The following KCNQ1 variants were observed in gnomAD, a reference collection of about 807,000 sequenced individuals.
The protein encoded by KCNQ1 is potassium voltage-gated channel subfamily KQT member 1.
Under a neutral mutation model 72.4 loss-of-function variants are expected in KCNQ1, and 49 were observed. The ratio of observed to expected loss-of-function variants is 0.68; its 90% CI spans 0.54 to 0.86. The LOEUF (loss-of-function observed/expected upper bound fraction) is 0.86. KCNQ1 is among the 40% of genes least tolerant of loss of function. The pLI is 0.00. For synonymous variants in KCNQ1, 450 were observed against 412.6 expected, an observed-to-expected ratio of 1.09 and a Z score of -1.10; for missense variants, 790 against 945.1, an observed-to-expected ratio of 0.84 and a Z score of 2.15.
intron 10 of KCNQ1, among the ~76,000 whole-genome samples, chr11:2,597,393 A>C (rs138093103): frequency 4.1e-4 from 63 of 152,324 alleles, no homozygotes; most frequent in African/African-American, 1.4e-3. Flanking sequence ...GATTTCTGCA[A>C]TTGTTAAATA....
Position 2,657,190 on chromosome 11 carries a change from G to A in KCNQ1, c.1394-4771G>A. On this transcript the variant is annotated intron_variant, in intron 10 of 15. Transcript: ENST00000155840. The surrounding 1 kb of genome is among the most constrained non-coding windows in gnomAD (Gnocchi z 4.8). ...CACCTTGTTCTTCTTCAAGAATATTGCCAATTCTTGGCTTTTTGCACTTCC... is the reference window on the plus strand; with the variant it reads ...CACCTTGTTCTTCTTCAAGAATATTACCAATTCTTGGCTTTTTGCACTTCC... The A allele has an allele frequency of 2.5e-6, 1 of 398,598 alleles. No homozygotes were observed. The highest frequency in any genetic ancestry group is 4.4e-6 in the Non-Finnish European group (1 of 226,060). 24.7% of individuals were successfully genotyped at this position (398,598 alleles called of 1,614,324 possible). A position where few individuals can be genotyped will look rare whatever the true frequency, so the allele number is the denominator to read the frequency against.
At chr11:2,754,478 G>A (rs1320981051) in intron 11 of KCNQ1, among the ~76,000 whole-genome samples, 1 of 152,242 alleles carries the variant, frequency 6.6e-6, no homozygotes, top group African/African-American at 2.4e-5. Context: ...ATCAGGATGT[G>A]GAAGAGGCTA....
rs1846646419 is a variant in KCNQ1 at position 2,481,264 on chromosome 11, A to C, written c.386+35780A>C. On this transcript the variant is annotated intron_variant, in intron 1 of 15. Coordinates refer to ENST00000155840, the MANE Select transcript of KCNQ1 (RefSeq NM_000218.3). The surrounding 1 kb of genome is among the most constrained non-coding windows in gnomAD (Gnocchi z 4.6). ...AAATGTTAATCAGAGAACGTGCAGA[A>C]ATTTTTAAAGAAGAAAAGTAAAATG... Among the ~76,000 whole-genome samples, 1 of 152,200 alleles carries C rather than the reference A, an allele frequency of 6.6e-6. No individual in the cohort carries two copies. The highest frequency in any genetic ancestry group is 2.4e-5 in the African/African-American group (1 of 41,450).
intron 15 of KCNQ1, chr11:2,840,053 C>A (rs1848171902): frequency 6.6e-6 from 1 of 152,214 alleles, no homozygotes; most frequent in South Asian, 2.1e-4. Flanking sequence ...GTCAAAAACC[C>A]ATGTATAACT....
chr11:2,658,620 C>T lies in KCNQ1; in HGVS notation c.1394-3341C>T. On this transcript the variant is annotated intron_variant, in intron 10 of 15. Transcript: ENST00000155840. This position sits in a 1 kb window ranked among gnomAD's most constrained non-coding sequence, Gnocchi z 4.9. ...AATGAATAGAAAACCTGGATCTAGG[C>T]ACGGGGTATGCTCGTGGCTACTAGG... 2.5e-6 allele frequency: 1 copy of T among 398,470 alleles called. No individual in the cohort carries two copies. Among genetic ancestry groups the T allele is most frequent in the East Asian group, 3.6e-5 (1 of 28,076 alleles). 24.7% of individuals were successfully genotyped at this position (398,470 alleles called of 1,614,324 possible).
chr11:2,775,256 T>C (rs190577500), intron 12 of KCNQ1, among the ~76,000 whole-genome samples: 66 of 152,350 alleles, frequency 4.3e-4, no homozygotes, highest in Middle Eastern at 3.4e-3. Flanking sequence ...GTTTTCTCTG[T>C]TGTGGTTTCA....
At chr11:2,605,302 A>T (rs1848863645) in intron 10 of KCNQ1, among the ~76,000 whole-genome samples, 1 of 152,152 alleles carries the variant, frequency 6.6e-6, no homozygotes, top group Non-Finnish European at 1.5e-5. Flanking sequence ...TATGAAGTCC[A>T]ATATATCTAC....
chr11:2,617,601 A>G lies in KCNQ1; in HGVS notation c.1393+28747A>G, dbSNP rs1448686114. ...CCTAGAAGAGGGATTAGTGGGTCAGATGATAGTATATTTTCAATTTCTTTA... is the reference window on the plus strand; with the variant it reads ...CCTAGAAGAGGGATTAGTGGGTCAGGTGATAGTATATTTTCAATTTCTTTA... On this transcript the variant is annotated intron_variant, in intron 10 of 15. Transcript: ENST00000155840. This position sits in a 1 kb window ranked among gnomAD's most constrained non-coding sequence, Gnocchi z 4.6. 2.5e-6 allele frequency: 1 copy of G among 398,296 alleles called. No homozygotes were observed. Among genetic ancestry groups the G allele is most frequent in the African/African-American group, 2.1e-5 (1 of 48,594 alleles). 24.7% of individuals were successfully genotyped at this position (398,296 alleles called of 1,614,324 possible). A position where few individuals can be genotyped will look rare whatever the true frequency, so the allele number is the denominator to read the frequency against.
At chr11:2,452,117 G>A (rs1734683952) in intron 1 of KCNQ1, among the ~76,000 whole-genome samples, 1 of 152,204 alleles carries the variant, frequency 6.6e-6, no homozygotes, top group South Asian at 2.1e-4. Context: ...CCTGGGGGCG[G>A]GGGCTCTTAG....
At chr11:2,649,034 G>A (rs1590004538) in intron 10 of KCNQ1, 1 of 338,024 alleles carries the variant, frequency 3.0e-6, no homozygotes. Flanking sequence ...GTCTACTCCT[G>A]CATGCTTTTG....
chr11:2,659,746 C>G lies in KCNQ1; in HGVS notation c.1394-2215C>G, dbSNP rs1849917053. On this transcript the variant is annotated intron_variant, in intron 10 of 15. Coordinates refer to ENST00000155840, the MANE Select transcript of KCNQ1 (RefSeq NM_000218.3). The surrounding 1 kb of genome is among the most constrained non-coding windows in gnomAD (Gnocchi z 4.3). ...ATGAGAGTTCTACATGTTCCACATC[C>G]TCAAGAGTGGTTGGTATTGTCAGGT... is the stretch of plus-strand genomic sequence containing the variant. 1 of 398,304 alleles carries G rather than the reference C, an allele frequency of 2.5e-6. No homozygotes were observed. The highest frequency in any genetic ancestry group is 2.1e-5 in the African/African-American group (1 of 48,598). 24.7% of individuals were successfully genotyped at this position (398,304 alleles called of 1,614,324 possible).
chr11:2,834,504 C>T (rs746750789), intron 15 of KCNQ1, among the ~76,000 whole-genome samples: 10 of 152,360 alleles, frequency 6.6e-5, no homozygotes, highest in Non-Finnish European at 1.2e-4. Flanking sequence ...GGGTCTGTCT[C>T]CAAGGTCTTT....
chr11:2,487,953 C>A (rs1446846556), intron 1 of KCNQ1, among the ~76,000 whole-genome samples: 1 of 151,982 alleles, frequency 6.6e-6, no homozygotes, highest in African/African-American at 2.4e-5. Context: ...TTATTCCTGA[C>A]CTTAGAGGGA....
intron 10 of KCNQ1, chr11:2,639,206 T>A (rs981157059): frequency 6.6e-6 from 1 of 152,234 alleles, no homozygotes; most frequent in Non-Finnish European, 1.5e-5. Flanking sequence ...AGCCTTCCTC[T>A]CTCAACTTGT....
rs1383676085 is a variant in KCNQ1 at position 2,483,782 on chromosome 11, C to T, written c.386+38298C>T. Among the ~76,000 whole-genome samples the T allele has an allele frequency of 1.3e-5, 2 of 152,144 alleles. No homozygotes were observed. Among genetic ancestry groups the T allele is most frequent in the Non-Finnish European group, 2.9e-5 (2 of 68,034 alleles). ...CATGTCTTAGGGCGGGTTCATTTGA[C>T]CTTGACCACTCAGGTAGGAGTGTGT... On this transcript the variant is annotated intron_variant, in intron 1 of 15. Transcript: ENST00000155840. This position sits in a 1 kb window ranked among gnomAD's most constrained non-coding sequence, Gnocchi z 6.1.
intron 1 of KCNQ1, among the ~76,000 whole-genome samples, chr11:2,524,035 C>T (rs892756049): frequency 6.6e-6 from 1 of 152,034 alleles, no homozygotes. Flanking sequence ...GTTGTGTGGC[C>T]AAAGGGGCTT....
rs896591227 is a variant in KCNQ1, at chr11:2,713,348, A to G, written c.1514+51267A>G. Among the ~76,000 whole-genome samples the G allele has an allele frequency of 1.3e-5, 2 of 152,086 alleles. No homozygotes were observed. Among genetic ancestry groups the G allele is most frequent in the African/African-American group, 2.4e-5 (1 of 41,386 alleles). ...CTGCTGCTCGCCATAAAAACTCTCC[A>G]GTCATCTTTTCCGCTGTGGTTTTTA... On this transcript the variant is annotated intron_variant, in intron 11 of 15. Coordinates refer to ENST00000155840, the MANE Select transcript of KCNQ1 (RefSeq NM_000218.3). This position sits in a 1 kb window ranked among gnomAD's most constrained non-coding sequence, Gnocchi z 5.6.
At chr11:2,737,004 G>C (rs757346432) in intron 11 of KCNQ1, among the ~76,000 whole-genome samples, 17 of 152,142 alleles carry the variant, frequency 1.1e-4, no homozygotes, top group Non-Finnish European at 1.6e-4. Flanking sequence ...AGTGCCCCTC[G>C]CCAGCACTCC....
Position 2,670,831 on chromosome 11 carries a change from C to A in KCNQ1, c.1514+8750C>A, listed in dbSNP as rs1279942667. 8 of 398,458 alleles carry A rather than the reference C, an allele frequency of 2.0e-5. No homozygotes were observed. The highest frequency in any genetic ancestry group is 1.3e-4 in the Admixed American group (3 of 22,722). The allele number at this position is 398,458 out of a possible 1,614,324, so 24.7% of individuals were successfully genotyped here. A position where few individuals can be genotyped will look rare whatever the true frequency, so the allele number is the denominator to read the frequency against. On this transcript the variant is annotated intron_variant, in intron 11 of 15. Transcript: ENST00000155840. This position sits in a 1 kb window ranked among gnomAD's most constrained non-coding sequence, Gnocchi z 4.9. ...TATGTGCATCATAAACCTGGTGCCA[C>A]CAGCCAAGGAGGTCAAAGGTCCTCA...
Sources: gnomAD v4.1 joint callset for allele counts (sites outside exome capture counted in the v4.1 genomes callset) on GRCh38, gnomAD v4.1.1 for gene constraint, Gnocchi (gnomAD v3.1) non-coding constraint, MANE v1.5 for transcripts, NCBI Gene and HGNC (gene_info 2026-07-23, HGNC 2026-07-21) for gene names.